PRKD1: variants seen among roughly 807,000 people sequenced by gnomAD.
PRKD1 encodes protein kinase D1.
PRKD1 carries 63 observed loss-of-function variants against 95.9 expected under a neutral mutation model. That is an observed-to-expected ratio of 0.66 (90% confidence interval 0.54 to 0.81). The LOEUF (loss-of-function observed/expected upper bound fraction) is 0.81, where lower values mean the gene tolerates loss of function less well. Among genes scored for constraint, PRKD1 ranks in the 30% least tolerant of loss-of-function variants. The pLI, the probability that PRKD1 is intolerant of heterozygous loss-of-function variation, is 0.00. For missense variants in PRKD1, 1,048 were observed against 1,165.3 expected, an observed-to-expected ratio of 0.90 and a Z score of 1.47; for synonymous variants, 425 against 423.1, an observed-to-expected ratio of 1.00 and a Z score of -0.05.
intron 1 of PRKD1, among the ~76,000 whole-genome samples, chr14:29,864,893 T>G (rs1031524943): frequency 4.6e-5 from 7 of 152,168 alleles, no homozygotes; most frequent in African/African-American, 1.7e-4. Flanking sequence ...CTGAATTGTT[T>G]ATAGGTCTAA....
chr14:29,585,792 G>T (rs1263768987), intron 16 of PRKD1, among the ~76,000 whole-genome samples: 3 of 152,124 alleles, frequency 2.0e-5, no homozygotes, highest in African/African-American at 7.2e-5. Context: ...CGTTTTAATG[G>T]ACTACACACT....
At chr14:29,584,172 A>AT (rs1191762536) in intron 16 of PRKD1, among the ~76,000 whole-genome samples, 1 of 152,172 alleles carries the variant, frequency 6.6e-6, no homozygotes, top group Admixed American at 6.5e-5. Context: ...TATAGATTCC[A>AT]TTTTTTCTAA....
intron 1 of PRKD1, among the ~76,000 whole-genome samples, chr14:29,927,009 G>A (rs982546332): frequency 6.6e-6 from 1 of 152,010 alleles, no homozygotes. Context: ...AGGAGGCGGC[G>A]GACTGGAGAG....
intron 1 of PRKD1, among the ~76,000 whole-genome samples, chr14:29,802,831 T>C (rs1437629978): frequency 2.0e-5 from 3 of 152,222 alleles, no homozygotes; most frequent in African/African-American, 7.2e-5. Flanking sequence ...AGACATCTTG[T>C]TGCAGAAAGG....
chr14:29,650,323 G>A (rs1881410438), intron 4 of PRKD1: 1 of 152,530 alleles, frequency 6.6e-6, no homozygotes, highest in Admixed American at 6.5e-5. Flanking sequence ...TGTCTGTGCA[G>A]TGCTCCTGAT....
intron 1 of PRKD1, among the ~76,000 whole-genome samples, chr14:29,925,860 T>C (rs2333660): frequency 0.55 from 82,961 of 152,066 alleles, 23,823 homozygotes; most frequent in South Asian, 0.68. Context: ...TGCATCCAAA[T>C]GGAGAGGATT....
intron 15 of PRKD1, among the ~76,000 whole-genome samples, chr14:29,598,513 C>G (rs927666229): frequency 6.6e-6 from 1 of 152,056 alleles, no homozygotes; most frequent in Non-Finnish European, 1.5e-5. Context: ...AGAGATGTGT[C>G]ATGTCATCCA....
intron 9 of PRKD1, 80 bp from the exon 10 acceptor site, chr14:29,631,101 G>GA: frequency 7.6e-7 from 1 of 1,322,174 alleles, no homozygotes; most frequent in Non-Finnish European, 1.0e-6. Flanking sequence ...AAGAACATGT[G>GA]AAAAATGACA....
intron 1 of PRKD1, among the ~76,000 whole-genome samples, chr14:29,754,546 A>G (rs1887611808): frequency 6.6e-6 from 1 of 152,078 alleles, no homozygotes; most frequent in African/African-American, 2.4e-5. Context: ...CTTTTTCCAT[A>G]TAGTAAAACA....
At chr14:29,865,607 C>A (rs1892868813) in intron 1 of PRKD1, among the ~76,000 whole-genome samples, 1 of 152,152 alleles carries the variant, frequency 6.6e-6, no homozygotes, top group African/African-American at 2.4e-5. Context: ...GATGATGAGG[C>A]ACAAATGCCC....
chr14:29,927,186 C>T, intron 1 of PRKD1, 63 bp downstream of exon 1: 1 of 1,401,328 alleles, frequency 7.1e-7, no homozygotes. Context: ...CGGAGAGGGC[C>T]AGCCGGGCAG....
intron 1 of PRKD1, among the ~76,000 whole-genome samples, chr14:29,919,491 G>A (rs1208516754): frequency 1.3e-5 from 2 of 152,156 alleles, no homozygotes; most frequent in Admixed American, 6.5e-5. Context: ...TTTCTCTGCT[G>A]CCAAATAACT....
chr14:29,714,166 T>G (rs1290662313), intron 2 of PRKD1, among the ~76,000 whole-genome samples: 1 of 152,172 alleles, frequency 6.6e-6, no homozygotes, highest in Non-Finnish European at 1.5e-5. Context: ...AAGAGTAATA[T>G]TTCTCATAAA....
At chr14:29,719,392 C>G (rs1885777647) in intron 2 of PRKD1, among the ~76,000 whole-genome samples, 1 of 152,142 alleles carries the variant, frequency 6.6e-6, no homozygotes, top group South Asian at 2.1e-4. Flanking sequence ...AACATCATCT[C>G]AATGGTTCCT....
intron 1 of PRKD1, among the ~76,000 whole-genome samples, chr14:29,743,019 A>G (rs45572731): frequency 0.012 from 1,775 of 152,310 alleles, 28 homozygotes; most frequent in African/African-American, 0.041. Context: ...GACATTCTTC[A>G]TCCTGCTCCC....
chr14:29,663,977 T>C, intron 3 of PRKD1, 118 bp from the exon 4 acceptor site: 1 of 1,057,096 alleles, frequency 9.5e-7, no homozygotes, highest in East Asian at 2.6e-5. Context: ...TGAGAGTATT[T>C]GGAAATTCAC....
chr14:29,820,626 T>C (rs1273521321), intron 1 of PRKD1, among the ~76,000 whole-genome samples: 1 of 152,170 alleles, frequency 6.6e-6, no homozygotes, highest in African/African-American at 2.4e-5. Context: ...CAGATCAGTA[T>C]GGTTGGGAAC....
At chr14:29,642,613 A>G (rs1323532874) in intron 4 of PRKD1, among the ~76,000 whole-genome samples, 2 of 152,214 alleles carry the variant, frequency 1.3e-5, no homozygotes, top group Non-Finnish European at 2.9e-5. Flanking sequence ...TTTATAAGTT[A>G]TAACAACTTT....
rs570769034 is a variant in PRKD1 at position 29,829,529 on chromosome 14, T to C, written c.264+97720A>G. On this transcript the variant is annotated intron_variant, in intron 1 of 17. Coordinates refer to ENST00000331968, the MANE Select transcript of PRKD1 (RefSeq NM_002742.3). ...CTTTTTAAACCATAAGTATTTTAAA[T>C]GAAATTTCTAATGCAGAGGGGAAGA... Among the ~76,000 whole-genome samples, 7 of 152,336 alleles carry C rather than the reference T, an allele frequency of 4.6e-5. No homozygotes were observed. In the East Asian group the frequency reaches 1.2e-3, roughly 25 times the overall value.
Sources: gnomAD v4.1 joint callset for allele counts (sites outside exome capture counted in the v4.1 genomes callset) on GRCh38, gnomAD v4.1.1 for gene constraint, MANE v1.5 for transcripts, NCBI Gene and HGNC (gene_info 2026-07-23, HGNC 2026-07-21) for gene names.